The following HHAT variants were observed in gnomAD, a reference collection of about 807,000 sequenced individuals.
The protein encoded by HHAT is protein-cysteine N-palmitoyltransferase HHAT.
In HHAT, 47 loss-of-function variants were observed where a neutral mutation model predicts 70.8. That is an observed-to-expected ratio of 0.66 (90% CI 0.53 to 0.85). The LOEUF (loss-of-function observed/expected upper bound fraction) is 0.85, where lower values mean the gene tolerates loss of function less well. Among genes scored for constraint, HHAT ranks in the 40% least tolerant of loss-of-function variants. The pLI is 0.00. For synonymous variants in HHAT, 228 were observed against 247.6 expected, an observed-to-expected ratio of 0.92 and a Z score of 0.74; for missense variants, 609 against 604.8, an observed-to-expected ratio of 1.01 and a Z score of -0.07.
At position 210,362,835 on chromosome 1, in the gene HHAT, T is replaced by A. The variant is rs767096394; in HGVS notation, c.92-17T>A. The A allele has an allele frequency of 1.4e-6, 1 of 728,736 alleles. No individual in the cohort carries two copies. The highest frequency in any genetic ancestry group is 3.2e-5 in the Admixed American group (1 of 31,280). 45.1% of individuals were successfully genotyped at this position (728,736 alleles called of 1,614,324 possible). A position where few individuals can be genotyped will look rare whatever the true frequency, so the allele number is the denominator to read the frequency against. On this transcript the variant is annotated splice_polypyrimidine_tract_variant and intron_variant, in intron 2 of 11. Coordinates refer to ENST00000261458, the MANE Select transcript of HHAT (RefSeq NM_018194.6). The stretch of plus-strand genomic sequence containing the variant: ...GTTTAGATTTGTGACTAACGAAGAC[T>A]TTTTTTTTTTGGTCAGAACACGAAG...
chr1:210,500,727 T>G (rs529060306), intron 8 of HHAT, among the ~76,000 whole-genome samples: 1 of 152,348 alleles, frequency 6.6e-6, no homozygotes, highest in African/African-American at 2.4e-5. Context: ...GGTTGCCTTC[T>G]GGGCATCATT....
At chr1:210,370,610 A>AT (rs10664778) in intron 3 of HHAT, among the ~76,000 whole-genome samples, 2,035 of 98,326 alleles carry the variant, frequency 0.021, 171 homozygotes, top group African/African-American at 0.057. Flanking sequence ...TGCAGATGCT[A>AT]TTTTTTTTTT....
At chr1:210,409,926 G>A (rs2092467850) in intron 6 of HHAT, among the ~76,000 whole-genome samples, 1 of 152,138 alleles carries the variant, frequency 6.6e-6, no homozygotes, top group Non-Finnish European at 1.5e-5. Flanking sequence ...TAAAGGTTTG[G>A]CAGTCCCCTA....
intron 3 of HHAT, among the ~76,000 whole-genome samples, chr1:210,363,753 TCAGAG>T (rs2088610482): frequency 1.3e-5 from 2 of 152,214 alleles, no homozygotes; most frequent in Admixed American, 1.3e-4. Flanking sequence ...TAAAATGTTA[TCAGAG>T]CAGTTTGTTT....
At chr1:210,422,426 C>A (rs1234339492) in intron 7 of HHAT, among the ~76,000 whole-genome samples, 1 of 152,164 alleles carries the variant, frequency 6.6e-6, no homozygotes, top group Non-Finnish European at 1.5e-5. Flanking sequence ...CCCTTTCCAG[C>A]TTCTAGTATT....
intron 3 of HHAT, chr1:210,374,065 T>C (rs952949452): frequency 1.6e-4 from 25 of 152,244 alleles, no homozygotes; most frequent in Admixed American, 1.2e-3. Context: ...TGTTACACAA[T>C]GTTTAAACAA....
intron 8 of HHAT, among the ~76,000 whole-genome samples, chr1:210,501,314 C>T (rs1340802969): frequency 1.3e-5 from 2 of 152,254 alleles, no homozygotes; most frequent in Non-Finnish European, 1.5e-5. Flanking sequence ...AATCTCCTGG[C>T]ACATCTGTTT....
At chr1:210,557,720 A>G (rs1163561947) in intron 9 of HHAT, among the ~76,000 whole-genome samples, 3 of 152,228 alleles carry the variant, frequency 2.0e-5, no homozygotes, top group African/African-American at 7.2e-5. Context: ...TCACGAGAAC[A>G]GCACAGGAAA....
At chr1:210,353,127 G>C (rs979823460) in intron 2 of HHAT, among the ~76,000 whole-genome samples, 1 of 151,870 alleles carries the variant, frequency 6.6e-6, no homozygotes, top group South Asian at 2.1e-4. Flanking sequence ...GTACAGACAG[G>C]GTTTTACCAT....
intron 9 of HHAT, among the ~76,000 whole-genome samples, chr1:210,514,952 T>C (rs2095029453): frequency 6.6e-6 from 1 of 152,178 alleles, no homozygotes; most frequent in Admixed American, 6.5e-5. Flanking sequence ...CTATGTTGGG[T>C]CTGGAGGAAG....
chr1:210,653,927 CTGTGATGGGAATAG>C (rs1675736351), intron 11 of HHAT, among the ~76,000 whole-genome samples: 2 of 2,710 alleles, frequency 7.4e-4, no homozygotes, highest in African/African-American at 2.9e-3. Context: ...CAGTGGAATA[CTGTGATGGGAATAG>C]TGTGACAGTG....
At chr1:210,451,832 GCCTCCCAAAACAT>G (rs1266543280) in intron 7 of HHAT, among the ~76,000 whole-genome samples, 1 of 152,152 alleles carries the variant, frequency 6.6e-6, no homozygotes, top group East Asian at 1.9e-4. Context: ...TCCTGGCTCA[GCCTCCCAAAACAT>G]GATATATCTT....
chr1:210,413,058 C>T lies in HHAT; in HGVS notation c.685-5096C>T, dbSNP rs776438434. ...TTGCATCTGCAATTGCTTTGTCCCC[C>T]AGGCCTTTGCACTCTGGCCTGTGAT... On this transcript the variant is annotated intron_variant, in intron 6 of 11. Coordinates refer to ENST00000261458, the MANE Select transcript of HHAT (RefSeq NM_018194.6). 2.5e-4 allele frequency among the ~76,000 whole-genome samples: 38 copies of T among 152,214 alleles called. 1 individual carries two copies. The highest frequency in any genetic ancestry group is 2.1e-4 in the Non-Finnish European group (14 of 68,030).
intron 8 of HHAT, among the ~76,000 whole-genome samples, chr1:210,503,092 T>TAGG (rs2094790580): frequency 6.6e-6 from 1 of 152,136 alleles, no homozygotes. Context: ...CCCGAGTAGC[T>TAGG]AGGACTACAG....
chr1:210,525,631 T>C (rs1418614948), intron 9 of HHAT, among the ~76,000 whole-genome samples: 1 of 152,092 alleles, frequency 6.6e-6, no homozygotes, highest in Non-Finnish European at 1.5e-5. Flanking sequence ...AATCCAGATT[T>C]AAAAAGAAAA....
At chr1:210,397,427 T>G (rs188008874) in intron 4 of HHAT, among the ~76,000 whole-genome samples, 72 of 152,266 alleles carry the variant, frequency 4.7e-4, no homozygotes, top group Admixed American at 3.7e-3. Flanking sequence ...AACTTGAGTT[T>G]GACGTACAGT....
At chr1:210,395,379 GT>G (rs1388388314) in intron 4 of HHAT, among the ~76,000 whole-genome samples, 1 of 152,188 alleles carries the variant, frequency 6.6e-6, no homozygotes, top group Non-Finnish European at 1.5e-5. Flanking sequence ...AAGGTTAAGA[GT>G]ATGGATTTCA....
chr1:210,507,744 CTT>C (rs1446389776), intron 8 of HHAT, among the ~76,000 whole-genome samples: 1 of 152,066 alleles, frequency 6.6e-6, no homozygotes, highest in Non-Finnish European at 1.5e-5. Flanking sequence ...CCCCTGAACT[CTT>C]TGGAAGGAAC....
intron 10 of HHAT, among the ~76,000 whole-genome samples, chr1:210,613,399 G>A (rs6688226): frequency 0.86 from 130,381 of 152,106 alleles, 56,550 homozygotes; most frequent in East Asian, 0.99. Flanking sequence ...CCTTGTTGAG[G>A]ATCATTTGGC....
Sources: allele counts gnomAD v4.1 joint callset (sites outside exome capture counted in the v4.1 genomes callset), GRCh38; gene constraint gnomAD v4.1.1; transcripts MANE v1.5; gene names NCBI Gene and HGNC (gene_info 2026-07-23, HGNC 2026-07-21).